COPE: variants seen among roughly 807,000 people sequenced by gnomAD.
COPE encodes the protein coat protein complex I subunit epsilon.
In COPE, 19 loss-of-function variants were observed where a neutral mutation model predicts 42.1. The ratio of observed to expected loss-of-function variants is 0.45; its 90% CI spans 0.31 to 0.66. COPE has a LOEUF of 0.66. COPE is among the 30% of genes least tolerant of loss of function. The probability of loss-of-function intolerance (pLI) is 0.05; values close to 1 mark genes in which losing one functional copy is unlikely to be tolerated. For synonymous variants in COPE, 195 were observed against 181.3 expected (o/e 1.08, Z -0.60); for missense variants, 402 against 416.1 (o/e 0.97, Z 0.30).
At chr19:18,914,591 G>A (rs184250190) in intron 1 of COPE, among the ~76,000 whole-genome samples, 1 of 151,584 alleles carries the variant, frequency 6.6e-6, no homozygotes, top group Non-Finnish European at 1.5e-5. Flanking sequence ...GTGGACTTCA[G>A]TTAGGTGACT....
intron 1 of COPE, among the ~76,000 whole-genome samples, 198 bp downstream of exon 1, chr19:18,919,025 G>A (rs566242346): frequency 1.3e-5 from 2 of 152,402 alleles, no homozygotes; most frequent in South Asian, 2.1e-4. Flanking sequence ...CGCTGTACGA[G>A]TGAGCAGTAC....
At chr19:18,907,487 T>A (rs75869220) in intron 3 of COPE, among the ~76,000 whole-genome samples, 2,116 of 151,934 alleles carry the variant, frequency 0.014, 44 homozygotes, top group African/African-American at 0.044. Flanking sequence ...TAGCAGGAGG[T>A]CGGCCTGGGT....
intron 6 of COPE, among the ~76,000 whole-genome samples, chr19:18,904,179 G>C (rs1308540861): frequency 6.6e-6 from 1 of 152,248 alleles, no homozygotes; most frequent in East Asian, 1.9e-4. Flanking sequence ...TGGTCAGGCT[G>C]GTCTAGAACT....
chr19:18,906,665 T>G, intron 4 of COPE: 5 of 284,012 alleles, frequency 1.8e-5, no homozygotes, highest in Non-Finnish European at 2.6e-5. Flanking sequence ...GAAGGCTTCG[T>G]GGGGGGTGGG....
In COPE at chr19:18,903,301, G is replaced by T; in HGVS notation, c.702C>A (p.Ala234=). Residue 234 remains alanine (A), a synonymous_variant, in exon 7 of 10, where the codon GCC becomes GCA. Transcript: ENST00000262812. The part of the protein sequence containing the change: ...ACHMAQGRWE[A]AEGLLQEALD... ...GCGCCTCCTGCAGCAGGCCCTCAGC[G>T]GCCTCCCAGCGGCCCTGGGCCATGT... 6.2e-7 allele frequency: 1 copy of T among 1,607,496 alleles called. No individual in the cohort carries two copies. The highest frequency in any genetic ancestry group is 1.3e-5 in the African/African-American group (1 of 74,788).
At chr19:18,904,459 A>G (rs923024504) in intron 6 of COPE, among the ~76,000 whole-genome samples, 3 of 152,228 alleles carry the variant, frequency 2.0e-5, no homozygotes, top group African/African-American at 7.2e-5. Flanking sequence ...GCTGAGTCGC[A>G]GAAAACCCCA....
intron 3 of COPE, among the ~76,000 whole-genome samples, chr19:18,908,876 T>C (rs1010611822): frequency 1.3e-5 from 2 of 152,042 alleles, no homozygotes; most frequent in African/African-American, 4.8e-5. Flanking sequence ...TGCGTGCCTG[T>C]AGTCCCAGCT....
intron 3 of COPE, 25 bp from the exon 4 acceptor site, chr19:18,907,137 C>T: frequency 6.2e-7 from 1 of 1,604,770 alleles, no homozygotes; most frequent in Non-Finnish European, 8.5e-7. Flanking sequence ...TGCTCACGAC[C>T]CACAGCTGGG....
intron 1 of COPE, among the ~76,000 whole-genome samples, chr19:18,917,170 T>C (rs1601238279): frequency 7.0e-6 from 1 of 143,390 alleles, no homozygotes; most frequent in East Asian, 2.0e-4. Flanking sequence ...TCCCTCTGCC[T>C]TTTTTTTTTT....
At chr19:18,903,546 A>G in intron 6 of COPE, 123 bp from the exon 7 acceptor site, 1 of 1,157,568 alleles carries the variant, frequency 8.6e-7, no homozygotes, top group Non-Finnish European at 1.2e-6. Context: ...TGCCCGGTTC[A>G]AGGCACAGCC....
chr19:18,915,215 T>A (rs1440587471), intron 1 of COPE, among the ~76,000 whole-genome samples: 1 of 151,822 alleles, frequency 6.6e-6, no homozygotes, highest in East Asian at 1.9e-4. Flanking sequence ...CCTGTCTATC[T>A]TTAGGGAAAA....
At chr19:18,910,801 T>C (rs1176472427) in intron 3 of COPE, 170 bp downstream of exon 3, 5 of 632,536 alleles carry the variant, frequency 7.9e-6, no homozygotes, top group Non-Finnish European at 1.4e-5. Flanking sequence ...CCCACTGCTG[T>C]GCAGGTGAGG....
intron 1 of COPE, among the ~76,000 whole-genome samples, chr19:18,915,239 G>GCC (rs2056844446): frequency 6.6e-6 from 1 of 152,142 alleles, no homozygotes; most frequent in East Asian, 1.9e-4. Context: ...AGAGACAAAA[G>GCC]CTGGCTGTTG....
intron 6 of COPE, among the ~76,000 whole-genome samples, chr19:18,903,750 G>A (rs894762774): frequency 3.9e-5 from 6 of 152,234 alleles, no homozygotes; most frequent in Admixed American, 1.3e-4. Context: ...CACTGAGCAC[G>A]TCAGAGGAGG....
chr19:18,901,445 G>A (rs1233403604), intron 7 of COPE, among the ~76,000 whole-genome samples: 1 of 152,226 alleles, frequency 6.6e-6, no homozygotes, highest in Admixed American at 6.5e-5. Context: ...CAGGCTGGGA[G>A]TTCCTGACTA....
chr19:18,904,896 C>A, intron 5 of COPE, 44 bp from the exon 6 acceptor site: 1 of 1,525,606 alleles, frequency 6.6e-7, no homozygotes, highest in Non-Finnish European at 8.9e-7. Context: ...GGCCGAGGGC[C>A]CTGGCCTGGC....
chr19:18,918,231 A>G (rs1346649812), intron 1 of COPE, among the ~76,000 whole-genome samples: 3 of 151,270 alleles, frequency 2.0e-5, no homozygotes, highest in Non-Finnish European at 4.4e-5. Flanking sequence ...AAAAAGAAAG[A>G]TGTATGGGAA....
intron 1 of COPE, among the ~76,000 whole-genome samples, chr19:18,917,062 A>G (rs938070575): frequency 2.6e-5 from 4 of 151,146 alleles, no homozygotes; most frequent in African/African-American, 9.7e-5. Flanking sequence ...AGGGGAGGAT[A>G]CTTCCCTGCC....
intron 7 of COPE, 80 bp from the exon 8 acceptor site, chr19:18,900,529 G>GCACCA: frequency 1.8e-6 from 2 of 1,128,562 alleles, no homozygotes; most frequent in South Asian, 2.8e-5. Flanking sequence ...ACCTCAGGCA[G>GCACCA]CACCACACAA....
Sources: allele counts gnomAD v4.1 joint callset (sites outside exome capture counted in the v4.1 genomes callset), GRCh38; gene constraint gnomAD v4.1.1; transcripts MANE v1.5; gene names NCBI Gene and HGNC (gene_info 2026-07-23, HGNC 2026-07-21).